The following CDC14B variants were observed in gnomAD, a reference collection of about 807,000 sequenced individuals.
CDC14B encodes cell division cycle 14B.
A neutral mutation model predicts 64.2 loss-of-function variants in CDC14B; 22 were observed. The observed-to-expected ratio is 0.34, with a 90% CI of 0.24 to 0.49. CDC14B has a LOEUF of 0.49. Among genes scored for constraint, CDC14B ranks in the 20% least tolerant of loss-of-function variants. The pLI is 0.99. For missense variants in CDC14B, 498 were observed against 629.9 expected (o/e 0.79, Z 2.24); for synonymous variants, 191 against 215.8 (o/e 0.89, Z 1.01).
intron 5 of CDC14B, among the ~76,000 whole-genome samples, chr9:96,550,284 G>T (rs1055198920): frequency 6.6e-6 from 1 of 152,162 alleles, no homozygotes; most frequent in Admixed American, 6.5e-5. Context: ...GATGATACTG[G>T]GTTCAAGCCA....
downstream of CDC14B, among the ~76,000 whole-genome samples, chr9:96,497,434 C>A (rs997177121): frequency 6.6e-6 from 1 of 152,232 alleles, no homozygotes; most frequent in Non-Finnish European, 1.5e-5. Flanking sequence ...CACAGGGAGG[C>A]TAGGACGTAA....
intron 12 of CDC14B, among the ~76,000 whole-genome samples, chr9:96,513,697 G>A (rs1306894698): frequency 6.6e-6 from 1 of 152,220 alleles, no homozygotes; most frequent in Non-Finnish European, 1.5e-5. Flanking sequence ...GGGCAACTAT[G>A]CACTATGTAT....
In CDC14B at chr9:96,619,214, C is replaced by T. The variant is rs1847830380; in HGVS notation, c.160+5G>A. The T allele has an allele frequency of 4.6e-6, 6 of 1,298,578 alleles. No individual in the cohort carries two copies. Among genetic ancestry groups the T allele is most frequent in the Non-Finnish European group, 5.9e-6 (6 of 1,019,928 alleles). 80.4% of individuals were successfully genotyped at this position (1,298,578 alleles called of 1,614,324 possible). A position where few individuals can be genotyped will look rare whatever the true frequency, so the allele number is the denominator to read the frequency against. The stretch of plus-strand genomic sequence containing the variant: ...GGCCCTCCGCGCGCCCACTGGCCGG[C>T]TCACCGGTGATGTCCAGGTACACGT... On this transcript the variant is annotated splice_donor_5th_base_variant and intron_variant, in intron 1 of 13. Coordinates refer to ENST00000375241, the MANE Select transcript of CDC14B (RefSeq NM_033331.4).
At chr9:96,514,976 T>G in intron 12 of CDC14B, 5 of 969,522 alleles carry the variant, frequency 5.2e-6, no homozygotes, top group Non-Finnish European at 6.1e-6. Flanking sequence ...GCAGGAACAA[T>G]GACCATCATA....
At chr9:96,612,468 C>A (rs1366750292) in intron 1 of CDC14B, among the ~76,000 whole-genome samples, 1 of 152,180 alleles carries the variant, frequency 6.6e-6, no homozygotes, top group Non-Finnish European at 1.5e-5. Flanking sequence ...TTCATTCTCA[C>A]AACAAATCTG....
intron 9 of CDC14B, among the ~76,000 whole-genome samples, chr9:96,529,629 C>T (rs1222197556): frequency 6.6e-6 from 1 of 151,646 alleles, no homozygotes; most frequent in African/African-American, 2.4e-5. Context: ...GTAGCTGGGA[C>T]TACAGGTAAA....
At chr9:96,505,649 A>G (rs1392532180) in intron 13 of CDC14B, among the ~76,000 whole-genome samples, 1 of 152,198 alleles carries the variant, frequency 6.6e-6, no homozygotes, top group East Asian at 1.9e-4. Context: ...GAGAAAGGTT[A>G]GCATGGATTT....
intron 13 of CDC14B, among the ~76,000 whole-genome samples, chr9:96,507,979 T>C (rs552260683): frequency 3.1e-4 from 47 of 152,256 alleles, no homozygotes; most frequent in Non-Finnish European, 7.4e-5. Flanking sequence ...ATATATAGTA[T>C]ACTTACGCTT....
At chr9:96,572,816 A>G (rs572294073) in intron 1 of CDC14B, among the ~76,000 whole-genome samples, 86 of 152,360 alleles carry the variant, frequency 5.6e-4, no homozygotes, top group Non-Finnish European at 9.1e-4. Flanking sequence ...CCAACAGCCA[A>G]TATCACACTT....
At chr9:96,512,884 T>C (rs951222056) in intron 12 of CDC14B, among the ~76,000 whole-genome samples, 2 of 151,776 alleles carry the variant, frequency 1.3e-5, no homozygotes, top group Non-Finnish European at 2.9e-5. Flanking sequence ...CTCAAATAAT[T>C]TGAGGCCACG....
At chr9:96,577,416 A>G (rs568879343) in intron 1 of CDC14B, among the ~76,000 whole-genome samples, 2 of 152,350 alleles carry the variant, frequency 1.3e-5, no homozygotes, top group South Asian at 4.1e-4. Flanking sequence ...AATCTACGGA[A>G]TGTAGTCAAA....
chr9:96,604,342 TTTATTATTATTA>T (rs148185898), intron 1 of CDC14B, among the ~76,000 whole-genome samples: 2,234 of 131,800 alleles, frequency 0.017, 33 homozygotes, highest in South Asian at 0.038. Context: ...GAAGCTTGCA[TTTATTATTATTA>T]TTATTATTAT....
At chr9:96,531,606 A>G (rs1300025121) in intron 9 of CDC14B, among the ~76,000 whole-genome samples, 1 of 151,910 alleles carries the variant, frequency 6.6e-6, no homozygotes, top group African/African-American at 2.4e-5. Context: ...CATTTTCTCT[A>G]TTGGTTTTCT....
chr9:96,518,323 T>C (rs1425649795), intron 12 of CDC14B, among the ~76,000 whole-genome samples: 1 of 151,914 alleles, frequency 6.6e-6, no homozygotes, highest in Non-Finnish European at 1.5e-5. Context: ...GAGACCAGCC[T>C]GGCCAACACG....
intron 7 of CDC14B, among the ~76,000 whole-genome samples, chr9:96,537,735 T>C (rs1839487077): frequency 6.6e-6 from 1 of 152,180 alleles, no homozygotes; most frequent in African/African-American, 2.4e-5. Context: ...TTTTTCCCTT[T>C]TTTTTGAGAC....
chr9:96,514,292 A>G, intron 12 of CDC14B: 1 of 425,390 alleles, frequency 2.4e-6, no homozygotes, highest in Non-Finnish European at 3.1e-6. Context: ...CATCTTTGCC[A>G]CTTGGAACAG....
chr9:96,576,855 T>C (rs988932470), intron 1 of CDC14B, among the ~76,000 whole-genome samples: 10 of 152,080 alleles, frequency 6.6e-5, no homozygotes, highest in African/African-American at 2.4e-4. Flanking sequence ...ACTTTTCAAA[T>C]AGGGTATTCA....
In CDC14B at chr9:96,523,604, C is replaced by T. The variant is rs761135781; in HGVS notation, c.1068G>A (p.Gln356=). 21 of 1,614,076 alleles carry T rather than the reference C, an allele frequency of 1.3e-5. No homozygotes were observed. In the Admixed American group the frequency reaches 3.5e-4, roughly 27 times the overall value. The change falls in exon 10 of 14, where the codon CAG becomes CAA. Residue 356 remains glutamine, a synonymous_variant. Coordinates refer to ENST00000375241, the MANE Select transcript of CDC14B (RefSeq NM_033331.4). ...CTACTTACATCACCAAAAACTGCTG[C>T]TGAGGCCCAATCACCGAGCCAGGTC... is the stretch of plus-strand genomic sequence containing the variant. ...ICRPGSVIGP[Q]QQFLVMKQTN...
At chr9:96,602,606 A>G (rs1564387138) in intron 1 of CDC14B, among the ~76,000 whole-genome samples, 1 of 151,732 alleles carries the variant, frequency 6.6e-6, no homozygotes, top group Non-Finnish European at 1.5e-5. Context: ...CATGAGACTT[A>G]TTCACTATCA....
Sources: allele counts gnomAD v4.1 joint callset (sites outside exome capture counted in the v4.1 genomes callset), GRCh38; gene constraint gnomAD v4.1.1; transcripts MANE v1.5; gene names NCBI Gene and HGNC (gene_info 2026-07-23, HGNC 2026-07-21).